UBE2Q2: variants seen among roughly 807,000 people sequenced by gnomAD.
UBE2Q2 encodes the protein ubiquitin-conjugating enzyme E2 Q2.
A neutral mutation model predicts 59.9 loss-of-function variants in UBE2Q2; 54 were observed. That is an observed-to-expected ratio of 0.90 (90% confidence interval 0.72 to 1.13). UBE2Q2 has a LOEUF of 1.13. UBE2Q2 is among the 50% of genes most tolerant of loss of function. The pLI, the probability that UBE2Q2 is intolerant of heterozygous loss-of-function variation, is 0.00. For missense variants in UBE2Q2, 433 were observed against 441.9 expected, an observed-to-expected ratio of 0.98 and a Z score of 0.18; for synonymous variants, 165 against 155.2, an observed-to-expected ratio of 1.06 and a Z score of -0.47.
chr15:75,870,354 A>C (rs949656963), intron 4 of UBE2Q2, among the ~76,000 whole-genome samples: 2 of 152,170 alleles, frequency 1.3e-5, no homozygotes, highest in East Asian at 1.9e-4. Context: ...ACATATAGAC[A>C]TGCGCCACTG....
At chr15:75,848,738 G>A (rs1896487834) in intron 1 of UBE2Q2, among the ~76,000 whole-genome samples, 1 of 152,082 alleles carries the variant, frequency 6.6e-6, no homozygotes, top group African/African-American at 2.4e-5. Flanking sequence ...CTAGTTGAGG[G>A]GTGGGGAATT....
At chr15:75,850,804 C>T (rs1286487636) in intron 1 of UBE2Q2, among the ~76,000 whole-genome samples, 1 of 152,146 alleles carries the variant, frequency 6.6e-6, no homozygotes, top group African/African-American at 2.4e-5. Context: ...CACTTAAGGG[C>T]TTTGGTTTAT....
At chr15:75,857,815 A>G (rs1274712271) in intron 2 of UBE2Q2, among the ~76,000 whole-genome samples, 1 of 151,762 alleles carries the variant, frequency 6.6e-6, no homozygotes, top group Non-Finnish European at 1.5e-5. Flanking sequence ...TTTCTAAGAT[A>G]TATTAAATGA....
chr15:75,895,469 C>T (rs1899359578), intron 11 of UBE2Q2, among the ~76,000 whole-genome samples: 1 of 151,926 alleles, frequency 6.6e-6, no homozygotes, highest in Admixed American at 6.6e-5. Flanking sequence ...AGGTGTGAGC[C>T]ACCGTGCCTG....
chr15:75,859,264 A>G (rs538568897), intron 2 of UBE2Q2, among the ~76,000 whole-genome samples: 8 of 152,272 alleles, frequency 5.3e-5, no homozygotes, highest in African/African-American at 1.9e-4. Context: ...GAGCCTACTA[A>G]ATATCAAGTG....
At chr15:75,878,428 C>CA (rs1555422440) in intron 7 of UBE2Q2, 639 of 15,972 alleles carry the variant, frequency 0.04, 9 homozygotes, top group African/African-American at 0.17. Context: ...TTCATCTCTA[C>CA]AAAAAAAAAA....
intron 2 of UBE2Q2, 127 bp downstream of exon 2, chr15:75,854,614 G>T: frequency 1.8e-6 from 1 of 566,750 alleles, no homozygotes; most frequent in Non-Finnish European, 2.8e-6. Context: ...TTAAAGACTA[G>T]TTTGTTTGTT....
intron 4 of UBE2Q2, among the ~76,000 whole-genome samples, chr15:75,872,750 G>GA (rs1002966077): frequency 1.5e-4 from 23 of 151,994 alleles, no homozygotes; most frequent in African/African-American, 5.1e-4. Flanking sequence ...GAAATTAGGG[G>GA]AAAGCATTAA....
At position 75,888,869 on chromosome 15, in the gene UBE2Q2, A is replaced by G. The variant is rs186999286; in HGVS notation, c.885-1566A>G. On this transcript the variant is annotated intron_variant, in intron 9 of 12. Coordinates refer to ENST00000267938, the MANE Select transcript of UBE2Q2 (RefSeq NM_173469.4). Reference sequence around the variant, plus strand: ...TCTTAAGACTCTGCATCCTCAAAGGAAGAGTGGGGTACCTTAAAGGAAAGG... The same window carrying G: ...TCTTAAGACTCTGCATCCTCAAAGGGAGAGTGGGGTACCTTAAAGGAAAGG... Among the ~76,000 whole-genome samples, 449 of 152,286 alleles carry G rather than the reference A, an allele frequency of 2.9e-3. 3 individuals carry two copies. The highest frequency in any genetic ancestry group is 0.01 in the African/African-American group (431 of 41,552).
chr15:75,886,533 GAAA>G (rs1295549050), intron 9 of UBE2Q2, among the ~76,000 whole-genome samples: 1 of 151,556 alleles, frequency 6.6e-6, no homozygotes, highest in Non-Finnish European at 1.5e-5. Context: ...TTATTTGAGA[GAAA>G]AAAAAGATCA....
chr15:75,875,363 C>T lies in UBE2Q2; in HGVS notation c.589-824C>T, dbSNP rs543735717. Among the ~76,000 whole-genome samples, 11 of 152,186 alleles carry T rather than the reference C, an allele frequency of 7.2e-5. No individual in the cohort carries two copies. The South Asian group carries it at 2.3e-3, about 32-fold the overall frequency. ...AATTTCACGTGACCAAAAAATAGTT[C>T]CGTTTGTATTTAGTCTTATGATAAG... is the stretch of plus-strand genomic sequence containing the variant. On this transcript the variant is annotated intron_variant, in intron 5 of 12. Transcript: ENST00000267938.
chr15:75,877,536 A>G (rs758356284), intron 6 of UBE2Q2, among the ~76,000 whole-genome samples: 4 of 152,184 alleles, frequency 2.6e-5, no homozygotes, highest in Non-Finnish European at 1.5e-5. Flanking sequence ...AAAATAAACT[A>G]CCACAGAGTC....
chr15:75,867,826 G>A (rs1479022605), intron 3 of UBE2Q2, among the ~76,000 whole-genome samples: 8 of 152,154 alleles, frequency 5.3e-5, no homozygotes. Flanking sequence ...CTCTTTGGGA[G>A]TTTTAGGCTA....
intron 4 of UBE2Q2, among the ~76,000 whole-genome samples, chr15:75,869,924 A>T (rs1355600179): frequency 6.6e-6 from 1 of 152,108 alleles, no homozygotes; most frequent in Non-Finnish European, 1.5e-5. Context: ...CAAATAGAGG[A>T]TATGTGAATT....
In UBE2Q2 at chr15:75,890,917, A is replaced by G. The variant is rs1256171140; in HGVS notation, c.934-2A>G. ...TTTTAGAGATACTTTGTTCTTCTGT[A>G]GGGCTGGAGCAGTGCCTACTCAATA... On this transcript the variant is annotated splice_acceptor_variant, in intron 10 of 12. Coordinates refer to ENST00000267938, the MANE Select transcript of UBE2Q2 (RefSeq NM_173469.4). LOFTEE classifies it high-confidence loss of function. 6.2e-7 allele frequency: 1 copy of G among 1,612,364 alleles called. No individual in the cohort carries two copies. The highest frequency in any genetic ancestry group is 1.1e-5 in the South Asian group (1 of 90,958).
intron 4 of UBE2Q2, 115 bp from the exon 5 acceptor site, chr15:75,873,313 T>C (rs1811155687): frequency 9.9e-7 from 1 of 1,007,390 alleles, no homozygotes; most frequent in African/African-American, 1.6e-5. Flanking sequence ...ATAGGATAGT[T>C]ACATTTTGTT....
chr15:75,895,729 G>A (rs1899381101), intron 11 of UBE2Q2, among the ~76,000 whole-genome samples: 1 of 152,052 alleles, frequency 6.6e-6, no homozygotes, highest in Non-Finnish European at 1.5e-5. Flanking sequence ...ATCTACAAAT[G>A]TTTGAAGTAC....
chr15:75,886,746 G>C lies in UBE2Q2; in HGVS notation c.884+3322G>C, dbSNP rs552557739. On this transcript the variant is annotated intron_variant, in intron 9 of 12. Coordinates refer to ENST00000267938, the MANE Select transcript of UBE2Q2 (RefSeq NM_173469.4). ...TACTAAAAATACAAAAATTAGCTGG[G>C]CGTGGTGGTGGGTGCCTGTAATCCC... Among the ~76,000 whole-genome samples, 9 of 152,162 alleles carry C rather than the reference G, an allele frequency of 5.9e-5. No homozygotes were observed. The East Asian group carries it at 1.7e-3, about 30-fold the overall frequency.
intron 5 of UBE2Q2, among the ~76,000 whole-genome samples, chr15:75,874,994 AG>A (rs1897998480): frequency 6.6e-6 from 1 of 152,210 alleles, no homozygotes; most frequent in African/African-American, 2.4e-5. Context: ...TATAATTTTT[AG>A]TAGAGCAAAG....
Sources: allele counts gnomAD v4.1 joint callset (sites outside exome capture counted in the v4.1 genomes callset), GRCh38; gene constraint gnomAD v4.1.1; transcripts MANE v1.5; gene names NCBI Gene and HGNC (gene_info 2026-07-23, HGNC 2026-07-21).